OSBPL9: variants seen among roughly 807,000 people sequenced by gnomAD.
OSBPL9 encodes oxysterol binding protein like 9, also known as oxysterol-binding protein-related protein 9.
OSBPL9 carries 40 observed loss-of-function variants against 106.6 expected under a neutral mutation model. That is an observed-to-expected ratio of 0.38 (90% CI 0.29 to 0.49). The LOEUF (loss-of-function observed/expected upper bound fraction) is 0.49. Ranked by LOEUF, OSBPL9 falls within the 20% of genes least tolerant of loss-of-function variation. OSBPL9 has a pLI of 0.97. For missense variants in OSBPL9, 609 were observed against 887.2 expected (o/e 0.69, Z 3.98); for synonymous variants, 269 against 295.4 (o/e 0.91, Z 0.92).
At chr1:51,750,328 T>G in intron 8 of OSBPL9, 133 bp downstream of exon 8, 2 of 561,174 alleles carry the variant, frequency 3.6e-6, no homozygotes, top group Admixed American at 7.2e-5. Flanking sequence ...GTGAGCTTAT[T>G]CTATGGAACA....
intron 4 of OSBPL9, among the ~76,000 whole-genome samples, chr1:51,726,322 ATGT>A (rs1214651931): frequency 1.3e-5 from 2 of 152,212 alleles, no homozygotes; most frequent in Admixed American, 1.3e-4. Flanking sequence ...AGTGTTTTAC[ATGT>A]TGTTAGAACA....
At chr1:51,668,549 G>T (rs1649074613) in intron 2 of OSBPL9, among the ~76,000 whole-genome samples, 2 of 152,224 alleles carry the variant, frequency 1.3e-5, no homozygotes, top group Non-Finnish European at 2.9e-5. Context: ...TTGAACCTGG[G>T]AGGTGGAGGT....
At chr1:51,569,448 G>C in the OSBPL9 span, 1 of 152,070 alleles carries the variant, frequency 6.6e-6, no homozygotes, top group Non-Finnish European at 1.5e-5. Flanking sequence ...TATCATATTA[G>C]ACATTTTCTG....
intron 3 of OSBPL9, among the ~76,000 whole-genome samples, chr1:51,698,009 C>T (rs1180185676): frequency 3.3e-5 from 5 of 151,876 alleles, no homozygotes; most frequent in East Asian, 3.8e-4. Flanking sequence ...TGTCAGGCAT[C>T]GTGGTAAATA....
At chr1:51,661,504 A>G (rs969592382) in intron 2 of OSBPL9, among the ~76,000 whole-genome samples, 1 of 152,182 alleles carries the variant, frequency 6.6e-6, no homozygotes, top group Non-Finnish European at 1.5e-5. Flanking sequence ...GTGCCTTGAT[A>G]GTGTGACCCT....
chr1:51,647,915 C>G (rs999724251), intron 1 of OSBPL9, among the ~76,000 whole-genome samples: 4 of 151,974 alleles, frequency 2.6e-5, no homozygotes, highest in Admixed American at 1.3e-4. Context: ...AGGAGTAGCC[C>G]GAGAACCCCT....
chr1:51,541,713 G>C, the OSBPL9 span, among the ~76,000 whole-genome samples: 1 of 152,150 alleles, frequency 6.6e-6, no homozygotes, highest in Non-Finnish European at 1.5e-5. Context: ...ACTGATATTT[G>C]AGCAAAAGTT....
intron 7 of OSBPL9, 124 bp from the exon 8 acceptor site, chr1:51,750,021 A>T: frequency 1.9e-6 from 1 of 515,892 alleles, no homozygotes; most frequent in African/African-American, 2.0e-5. Context: ...TCCAAAGAGG[A>T]TATTTCTTGT....
chr1:51,638,259 A>G (rs1421096535), intron 1 of OSBPL9, among the ~76,000 whole-genome samples: 1 of 152,192 alleles, frequency 6.6e-6, no homozygotes, highest in Non-Finnish European at 1.5e-5. Flanking sequence ...TGATAACTTG[A>G]AGGATGAGTG....
At chr1:51,550,769 C>T in the OSBPL9 span, among the ~76,000 whole-genome samples, 1 of 152,214 alleles carries the variant, frequency 6.6e-6, no homozygotes, top group African/African-American at 2.4e-5. Context: ...CCACCTTAGC[C>T]TCCCAAAGTG....
upstream of OSBPL9, among the ~76,000 whole-genome samples, chr1:51,574,499 G>A (rs12067017): frequency 1.3e-3 from 191 of 152,220 alleles, 1 homozygote; most frequent in African/African-American, 4.2e-3. Flanking sequence ...GATGCCTGTA[G>A]TCCCAGCTAC....
the OSBPL9 span, among the ~76,000 whole-genome samples, chr1:51,523,500 T>G: frequency 3.3e-5 from 5 of 152,066 alleles, no homozygotes; most frequent in Non-Finnish European, 7.4e-5. Context: ...GAAGAAGAAT[T>G]TGTCCAAATT....
In OSBPL9 at chr1:51,746,767, A is replaced by G. The variant is rs753543750; in HGVS notation, c.462+10A>G. 2 of 1,600,278 alleles carry G rather than the reference A, an allele frequency of 1.2e-6. No individual in the cohort carries two copies. Among genetic ancestry groups the G allele is most frequent in the South Asian group, 1.1e-5 (1 of 88,458 alleles). ...AGATGAACAGAGAAAGGTAACTTCC[A>G]TAACCGTGCTTTTGACGTTAAAAAT... On this transcript the variant is annotated intron_variant, in intron 6 of 23. Transcript: ENST00000428468.
At chr1:51,755,186 A>G (rs762414871) in intron 8 of OSBPL9, among the ~76,000 whole-genome samples, 6 of 152,146 alleles carry the variant, frequency 3.9e-5, no homozygotes, top group Non-Finnish European at 8.8e-5. Context: ...GCAGATTAAT[A>G]CAAGTGGTAA....
the OSBPL9 span, among the ~76,000 whole-genome samples, chr1:51,526,801 G>A: frequency 1.3e-5 from 2 of 151,886 alleles, no homozygotes; most frequent in African/African-American, 4.8e-5. Flanking sequence ...CTGGAGTGCA[G>A]TGGCGCAATC....
chr1:51,683,792 C>G (rs77369190), intron 3 of OSBPL9, among the ~76,000 whole-genome samples: 1 of 139,396 alleles, frequency 7.2e-6, no homozygotes, highest in Admixed American at 7.1e-5. Context: ...GACTCTGTCT[C>G]AAAAAAAAAA....
chr1:51,518,276 A>G, the OSBPL9 span: 1 of 152,434 alleles, frequency 6.6e-6, no homozygotes, highest in African/African-American at 2.4e-5. Context: ...TTTTCTGAGA[A>G]GCACAAGGAC....
upstream of OSBPL9, among the ~76,000 whole-genome samples, chr1:51,576,031 A>G (rs767571694): frequency 5.3e-5 from 8 of 152,078 alleles, no homozygotes; most frequent in Admixed American, 2.6e-4. Context: ...TAAGTAATTG[A>G]CTCTAACTGC....
the OSBPL9 span, among the ~76,000 whole-genome samples, chr1:51,570,288 T>C: frequency 1.3e-5 from 2 of 152,256 alleles, no homozygotes; most frequent in Non-Finnish European, 1.5e-5. Flanking sequence ...CATATATTAC[T>C]ACTGTACTTA....
Sources: allele counts gnomAD v4.1 joint callset (sites outside exome capture counted in the v4.1 genomes callset), GRCh38; gene constraint gnomAD v4.1.1; transcripts MANE v1.5; gene names NCBI Gene and HGNC (gene_info 2026-07-23, HGNC 2026-07-21).